Variants in RMST observed in about 807,000 individuals in gnomAD.
The protein encoded by RMST is long intergenic non-protein coding RNA 54.
intron 5 of RMST, among the ~76,000 whole-genome samples, chr12:97,490,392 T>A (rs1362411053): frequency 6.6e-6 from 1 of 152,238 alleles, no homozygotes. Context: ...TACCATTTAC[T>A]AACTATGGGA....
chr12:97,541,612 CT>C (rs753585276), intron 11 of RMST, among the ~76,000 whole-genome samples: 114 of 151,254 alleles, frequency 7.5e-4, no homozygotes, highest in South Asian at 4.2e-4. Flanking sequence ...GTTAGAAAAG[CT>C]GGAACCAGGA....
In RMST at chr12:97,487,002, A is replaced by T. The variant is rs145937905; in HGVS notation, n.645-5459A>T. Reference sequence around the variant, plus strand: ...GCAGCAGGGAGATGCGGAGCCTGAGATTCCAGTTCCGTCCCCTCTGACCTT... The same window carrying T: ...GCAGCAGGGAGATGCGGAGCCTGAGTTTCCAGTTCCGTCCCCTCTGACCTT... On this transcript the variant is annotated intron_variant and non_coding_transcript_variant, in intron 5 of 13. Transcript: ENST00000640149. Among the ~76,000 whole-genome samples the T allele has an allele frequency of 1.7e-4, 26 of 152,316 alleles. No homozygotes were observed. The East Asian group carries it at 3.5e-3, about 20-fold the overall frequency.
At chr12:97,504,580 A>C (rs1009556235) in intron 10 of RMST, among the ~76,000 whole-genome samples, 2 of 152,120 alleles carry the variant, frequency 1.3e-5, no homozygotes, top group East Asian at 3.9e-4. Flanking sequence ...TACATGTGTA[A>C]AGAGTATGAT....
chr12:97,497,678 G>A (rs1168252090), intron 10 of RMST, among the ~76,000 whole-genome samples: 1 of 142,460 alleles, frequency 7.0e-6, no homozygotes, highest in African/African-American at 2.9e-5. Context: ...GCACAAGGAT[G>A]ATTTTTTTTT....
chr12:97,477,109 A>G (rs534289562), intron 5 of RMST, among the ~76,000 whole-genome samples: 4 of 152,184 alleles, frequency 2.6e-5, no homozygotes, highest in Non-Finnish European at 4.4e-5. Flanking sequence ...TGATGAGGGT[A>G]CGGAGGTGAC....
intron 10 of RMST, among the ~76,000 whole-genome samples, chr12:97,528,024 A>G (rs1279881639): frequency 6.6e-6 from 1 of 152,140 alleles, no homozygotes; most frequent in African/African-American, 2.4e-5. Context: ...TTTTATATAC[A>G]TTAACTGGTT....
At chr12:97,527,927 G>A (rs1452355010) in intron 10 of RMST, among the ~76,000 whole-genome samples, 1 of 151,992 alleles carries the variant, frequency 6.6e-6, no homozygotes, top group Non-Finnish European at 1.5e-5. Context: ...GCACAAATAT[G>A]TCAGAATTAT....
At chr12:97,510,168 T>G (rs945816886) in intron 10 of RMST, among the ~76,000 whole-genome samples, 1 of 152,216 alleles carries the variant, frequency 6.6e-6, no homozygotes, top group African/African-American at 2.4e-5. Flanking sequence ...AAGAAATACA[T>G]TTAATTAACT....
chr12:97,546,473 T>C (rs549552258), intron 11 of RMST, among the ~76,000 whole-genome samples: 2 of 151,990 alleles, frequency 1.3e-5, no homozygotes, highest in Admixed American at 1.3e-4. Flanking sequence ...TCCCAGCTAC[T>C]TGGGAGGCTG....
chr12:97,534,526 G>C (rs897289880), intron 11 of RMST, among the ~76,000 whole-genome samples: 7 of 151,630 alleles, frequency 4.6e-5, no homozygotes, highest in African/African-American at 1.7e-4. Flanking sequence ...CTTTTTATTA[G>C]AGAAAATCAT....
chr12:97,561,901 T>C (rs954716027), intron 13 of RMST, among the ~76,000 whole-genome samples: 3 of 152,174 alleles, frequency 2.0e-5, no homozygotes, highest in Non-Finnish European at 4.4e-5. Flanking sequence ...TGTTAATCAA[T>C]AATAACATTC....
At chr12:97,549,955 G>C (rs1683387137) in intron 11 of RMST, among the ~76,000 whole-genome samples, 1 of 152,146 alleles carries the variant, frequency 6.6e-6, no homozygotes, top group Admixed American at 6.5e-5. Context: ...TCGGTATTTT[G>C]TAATAAATGT....
chr12:97,553,529 T>A (rs1883460132), intron 11 of RMST, among the ~76,000 whole-genome samples: 1 of 152,170 alleles, frequency 6.6e-6, no homozygotes, highest in Admixed American at 6.5e-5. Context: ...AGCTCATAGC[T>A]CTAGAAGGTG....
At chr12:97,497,683 T>A (rs879938497) in intron 10 of RMST, among the ~76,000 whole-genome samples, 1 of 152,086 alleles carries the variant, frequency 6.6e-6, no homozygotes, top group Non-Finnish European at 1.5e-5. Context: ...AGGATGATTT[T>A]TTTTTTTTTG....
intron 5 of RMST, chr12:97,483,577 A>G (rs1875711117): frequency 6.6e-6 from 1 of 152,218 alleles, no homozygotes. Context: ...AGAAATTGGT[A>G]GGCTCGATGA....
At chr12:97,511,303 T>A (rs1247541227) in intron 10 of RMST, among the ~76,000 whole-genome samples, 2 of 152,024 alleles carry the variant, frequency 1.3e-5, no homozygotes, top group Non-Finnish European at 2.9e-5. Flanking sequence ...CACGTGCCAC[T>A]ACATGCTGCT....
intron 10 of RMST, among the ~76,000 whole-genome samples, chr12:97,499,657 C>CTTTTTT (rs540776298): frequency 2.3e-5 from 3 of 131,908 alleles, no homozygotes; most frequent in African/African-American, 3.0e-5. Context: ...TTTTTTCTTT[C>CTTTTTT]TTTTTTTTTT....
At chr12:97,554,213 C>A (rs1173689518) in intron 11 of RMST, among the ~76,000 whole-genome samples, 3 of 152,108 alleles carry the variant, frequency 2.0e-5, no homozygotes, top group Non-Finnish European at 4.4e-5. Context: ...CTCAGCCTCC[C>A]AAAGTGCTGG....
intron 10 of RMST, among the ~76,000 whole-genome samples, chr12:97,528,550 A>G (rs1233688882): frequency 1.3e-5 from 2 of 152,156 alleles, no homozygotes; most frequent in South Asian, 2.1e-4. Context: ...AGTCATTTTC[A>G]TAGGAACAAA....
Sources: allele counts gnomAD v4.1 joint callset (sites outside exome capture counted in the v4.1 genomes callset), GRCh38; gene constraint gnomAD v4.1.1; transcripts MANE v1.5; gene names NCBI Gene and HGNC (gene_info 2026-07-23, HGNC 2026-07-21).